Variants in TTC17 observed in about 807,000 individuals in gnomAD.
The protein encoded by TTC17 is tetratricopeptide repeat protein 17.
TTC17 carries 58 observed loss-of-function variants against 143.8 expected under a neutral mutation model. The ratio of observed to expected loss-of-function variants is 0.40; its 90% confidence interval spans 0.33 to 0.50. TTC17 has a LOEUF of 0.50. TTC17 is among the 20% of genes least tolerant of loss of function. The probability of loss-of-function intolerance (pLI) is 0.49; values close to 1 mark genes in which losing one functional copy is unlikely to be tolerated. For missense variants in TTC17, 1,273 were observed against 1,392.5 expected, an observed-to-expected ratio of 0.91 and a Z score of 1.37; for synonymous variants, 501 against 497.8, an observed-to-expected ratio of 1.01 and a Z score of -0.09.
At chr11:43,460,356 A>G (rs185377867) in intron 21 of TTC17, among the ~76,000 whole-genome samples, 60 of 152,206 alleles carry the variant, frequency 3.9e-4, no homozygotes, top group Admixed American at 2.8e-3. Context: ...TACTTTTTCT[A>G]TCTTCCAAGA....
chr11:43,445,086 A>G (rs1386327248), intron 18 of TTC17, among the ~76,000 whole-genome samples: 2 of 152,200 alleles, frequency 1.3e-5, no homozygotes, highest in African/African-American at 2.4e-5. Flanking sequence ...ATAAATCATA[A>G]CACATCTATG....
chr11:43,358,988 G>A lies in TTC17; in HGVS notation c.34G>A (p.Glu12Lys), dbSNP rs2134414415. 5 of 1,580,236 alleles carry A rather than the reference G, an allele frequency of 3.2e-6. No homozygotes were observed. The Admixed American group carries it at 8.8e-5, about 28-fold the overall frequency. The change falls in exon 1 of 24, where the codon GAG becomes AAG. Residue 12 changes from glutamate to lysine, a missense_variant. Coordinates refer to ENST00000039989, the MANE Select transcript of TTC17 (RefSeq NM_018259.6). ...AAAVGVRGRY[E>K]LPPCSGPGWL... The stretch of plus-strand genomic sequence containing the variant: ...GGCAGTAGGGGTTCGTGGCCGGTAC[G>A]AGCTGCCGCCTTGCTCCGGCCCAGG...
intron 15 of TTC17, among the ~76,000 whole-genome samples, chr11:43,408,625 GATCAGTT>G (rs1230762449): frequency 1.3e-5 from 2 of 152,174 alleles, no homozygotes; most frequent in Non-Finnish European, 2.9e-5. Flanking sequence ...CTCCTTTAGT[GATCAGTT>G]ACCTTTTGAT....
intron 16 of TTC17, among the ~76,000 whole-genome samples, chr11:43,440,503 C>G (rs554376002): frequency 4.3e-4 from 66 of 152,314 alleles, no homozygotes; most frequent in Admixed American, 1.2e-3. Context: ...TAATTTTTCT[C>G]CATTAACATT....
intron 21 of TTC17, among the ~76,000 whole-genome samples, chr11:43,456,717 A>G (rs111323267): frequency 6.6e-6 from 1 of 152,212 alleles, no homozygotes; most frequent in Non-Finnish European, 1.5e-5. Context: ...TGAGCTAAGA[A>G]CTGGCCTTAG....
chr11:43,404,333 T>C (rs1208017867), intron 11 of TTC17, among the ~76,000 whole-genome samples, 189 bp downstream of exon 11: 2 of 152,208 alleles, frequency 1.3e-5, no homozygotes, highest in East Asian at 3.8e-4. Context: ...AATTTCTGCC[T>C]TGAGTTTTTC....
chr11:43,368,487 G>C (rs1006246242), intron 1 of TTC17, among the ~76,000 whole-genome samples: 2 of 152,084 alleles, frequency 1.3e-5, no homozygotes, highest in Non-Finnish European at 2.9e-5. Flanking sequence ...CAAACCCAAC[G>C]TAGTAATAAC....
chr11:43,491,808 G>C, intron 22 of TTC17: 1 of 608,894 alleles, frequency 1.6e-6, no homozygotes, highest in East Asian at 2.7e-5. Flanking sequence ...TTCGAAGCAA[G>C]ACTTCGCCAA....
rs147810397 is a variant in TTC17 at position 43,364,687 on chromosome 11, T to C, written c.159+5574T>C. On this transcript the variant is annotated intron_variant, in intron 1 of 23. Transcript: ENST00000039989. ...TTGTCCACTATTATTTTTCTTCTTA[T>C]AAATTACTGAGATTCTGACTTTGTT... is the stretch of plus-strand genomic sequence containing the variant. Among the ~76,000 whole-genome samples, 489 of 152,332 alleles carry C rather than the reference T, an allele frequency of 3.2e-3. 1 individual carries two copies. The highest frequency in any genetic ancestry group is 5.3e-3 in the Admixed American group (81 of 15,300).
chr11:43,375,354 CA>C (rs1856724104), intron 1 of TTC17, among the ~76,000 whole-genome samples: 1 of 152,122 alleles, frequency 6.6e-6, no homozygotes, highest in Non-Finnish European at 1.5e-5. Context: ...TATTGGATAG[CA>C]AACACTACAA....
At chr11:43,372,654 C>A (rs904020581) in intron 1 of TTC17, among the ~76,000 whole-genome samples, 22 of 151,986 alleles carry the variant, frequency 1.4e-4, no homozygotes, top group African/African-American at 5.3e-4. Context: ...CTACGCCTGG[C>A]TAATTTTTGT....
chr11:43,464,643 G>T (rs1396124557), intron 21 of TTC17, among the ~76,000 whole-genome samples: 3 of 152,088 alleles, frequency 2.0e-5, no homozygotes, highest in Admixed American at 1.3e-4. Context: ...TAGAAAAATG[G>T]ACTAGATGCA....
In TTC17 at chr11:43,405,796, C is replaced by T. The variant is rs1466956601; in HGVS notation, c.1606C>T (p.Leu536Phe). The T allele has an allele frequency of 1.2e-6, 2 of 1,613,582 alleles. No individual in the cohort carries two copies. The highest frequency in any genetic ancestry group is 1.3e-5 in the African/African-American group (1 of 74,860). The change falls in exon 13 of 24, where the codon CTC becomes TTC. Residue 536 changes from leucine (L) to phenylalanine (F), a missense_variant. Leu to Phe is a conservative substitution (Grantham distance 22, BLOSUM62 0). This residue lies in a region of TTC17 where 878 missense variants were observed against 899.8 expected (regional missense o/e 0.98). Transcript: ENST00000039989. ...TTTTTCTTGTGCCAGGATCCACGAA[C>T]TCAGCAGTGATGATTATTCTACAGA... is the stretch of plus-strand genomic sequence containing the variant. ...PENKGLRIHELSSDDYSTEEE... is the reference protein window; with the variant it reads ...PENKGLRIHEFSSDDYSTEEE...
intron 2 of TTC17, 137 bp from the exon 3 acceptor site, chr11:43,389,515 C>G: frequency 2.6e-6 from 2 of 773,636 alleles, no homozygotes; most frequent in Non-Finnish European, 3.9e-6. Context: ...ACTAAGTTAA[C>G]TAAGGGCATT....
rs1157159382 is a variant in TTC17 at position 43,397,890 on chromosome 11, AT to A, written c.919-75del. The A allele has an allele frequency of 1.4e-4, 203 of 1,499,716 alleles. 1 individual carries two copies. Among genetic ancestry groups the A allele is most frequent in the South Asian group, 1.5e-4 (12 of 80,276 alleles). 92.9% of individuals were successfully genotyped at this position (1,499,716 alleles called of 1,614,324 possible). A position where few individuals can be genotyped will look rare whatever the true frequency, so the allele number is the denominator to read the frequency against. ...CAGATGCAACCAGGCCGTGGCTAAC[AT>A]TTTTTTTTCCGTGTGTGTGTGTGTG... On this transcript the variant is annotated intron_variant, in intron 7 of 23. Coordinates refer to ENST00000039989, the MANE Select transcript of TTC17 (RefSeq NM_018259.6).
At chr11:43,385,391 A>G (rs1246134023) in intron 2 of TTC17, among the ~76,000 whole-genome samples, 1 of 152,180 alleles carries the variant, frequency 6.6e-6, no homozygotes, top group East Asian at 1.9e-4. Context: ...AATTAAGTTA[A>G]AAGAAATAAA....
chr11:43,440,213 C>T (rs1472573940), intron 16 of TTC17, among the ~76,000 whole-genome samples: 1 of 151,478 alleles, frequency 6.6e-6, no homozygotes, highest in African/African-American at 2.4e-5. Flanking sequence ...AAGATACATT[C>T]CTCCATCCAT....
chr11:43,420,573 T>A (rs1344935655), intron 16 of TTC17, among the ~76,000 whole-genome samples: 1 of 152,168 alleles, frequency 6.6e-6, no homozygotes, highest in East Asian at 1.9e-4. Flanking sequence ...GCCTGTACTT[T>A]TGTAGTATTA....
intron 21 of TTC17, among the ~76,000 whole-genome samples, chr11:43,483,704 TAATC>T (rs1467706242): frequency 6.6e-6 from 1 of 152,164 alleles, no homozygotes; most frequent in South Asian, 2.1e-4. Flanking sequence ...GTGGTGAAAA[TAATC>T]AACAAAACAT....
Sources: allele counts gnomAD v4.1 joint callset (sites outside exome capture counted in the v4.1 genomes callset), GRCh38; gene constraint gnomAD v4.1.1; regional missense constraint gnomAD v4.1.1; transcripts MANE v1.5; gene names NCBI Gene and HGNC (gene_info 2026-07-23, HGNC 2026-07-21).